The following FBXO34 variants were observed in gnomAD, a reference collection of about 807,000 sequenced individuals.
FBXO34 encodes F-box only protein 34.
A neutral mutation model predicts 24.5 loss-of-function variants in FBXO34; 12 were observed. That is an observed-to-expected ratio of 0.49 (90% CI 0.31 to 0.79). The LOEUF (loss-of-function observed/expected upper bound fraction) is 0.79, where lower values mean the gene tolerates loss of function less well. Ranked by LOEUF, FBXO34 falls within the 30% of genes least tolerant of loss-of-function variation. The pLI is 0.04. For synonymous variants in FBXO34, 320 were observed against 311.9 expected (o/e 1.03, Z -0.27); for missense variants, 823 against 857.7 (o/e 0.96, Z 0.51).
chr14:55,298,958 G>T (rs1387087422), intron 1 of FBXO34: 1 of 1,590,418 alleles, frequency 6.3e-7, no homozygotes, highest in African/African-American at 1.3e-5. Context: ...AGGCCAAGAA[G>T]GCGGCCCACG....
the FBXO34 span, among the ~76,000 whole-genome samples, chr14:55,402,556 C>T: frequency 8.6e-5 from 13 of 151,836 alleles, no homozygotes; most frequent in Admixed American, 4.6e-4. Flanking sequence ...TATATTGCCA[C>T]AAAAGACATT....
downstream of FBXO34, chr14:55,368,154 TTTC>T (rs1884725723): frequency 6.5e-6 from 1 of 152,684 alleles, no homozygotes; most frequent in African/African-American, 2.4e-5. Context: ...TCATTATAGT[TTTC>T]TTGTAAGATT....
At chr14:55,303,135 T>C (rs1882421478) in intron 1 of FBXO34, among the ~76,000 whole-genome samples, 2 of 152,368 alleles carry the variant, frequency 1.3e-5, no homozygotes, top group South Asian at 4.1e-4. Context: ...GGCCTTTTTT[T>C]TTTTTAGCAT....
intron 1 of FBXO34, among the ~76,000 whole-genome samples, chr14:55,345,807 G>C (rs1279566457): frequency 6.6e-6 from 1 of 152,166 alleles, no homozygotes; most frequent in Non-Finnish European, 1.5e-5. Flanking sequence ...TTCAGGACCA[G>C]CCTGGGCAAC....
intron 1 of FBXO34, among the ~76,000 whole-genome samples, chr14:55,319,106 G>A (rs1257343135): frequency 6.6e-6 from 1 of 152,156 alleles, no homozygotes; most frequent in East Asian, 1.9e-4. Context: ...TATTCCTATG[G>A]ATTAAGAAGG....
chr14:55,327,393 C>A (rs901645152), intron 1 of FBXO34, among the ~76,000 whole-genome samples: 2 of 152,128 alleles, frequency 1.3e-5, no homozygotes, highest in Non-Finnish European at 2.9e-5. Flanking sequence ...TAAGATCACT[C>A]TGCCTGCGGA....
the FBXO34 span, among the ~76,000 whole-genome samples, chr14:55,419,577 A>G: frequency 2.0e-5 from 3 of 152,256 alleles, no homozygotes. Context: ...CTTTCTGCTC[A>G]GGACCATGAC....
chr14:55,343,291 C>G (rs1884053133), intron 1 of FBXO34, among the ~76,000 whole-genome samples: 1 of 148,974 alleles, frequency 6.7e-6, no homozygotes, highest in Non-Finnish European at 1.5e-5. Flanking sequence ...TGCTCTGTCG[C>G]CCAGAACTAG....
At chr14:55,369,551 T>C (rs1057148865), downstream of FBXO34, 7 of 1,326,200 alleles carry the variant, frequency 5.3e-6, no homozygotes, top group African/African-American at 1.0e-4. Context: ...AAACAGAAAA[T>C]GTTTACTAGA....
chr14:55,305,617 C>T (rs1373326120), intron 1 of FBXO34, among the ~76,000 whole-genome samples: 1 of 150,946 alleles, frequency 6.6e-6, no homozygotes, highest in East Asian at 1.9e-4. Flanking sequence ...TAGCTTCAAC[C>T]CAGGAGGCAG....
chr14:55,283,630 A>C (rs969148276), intron 1 of FBXO34, among the ~76,000 whole-genome samples: 3 of 151,752 alleles, frequency 2.0e-5, no homozygotes, highest in Non-Finnish European at 4.4e-5. Flanking sequence ...ATGCCCGACT[A>C]ATGTATTTTT....
At chr14:55,436,728 G>C in the FBXO34 span, 6 of 1,614,194 alleles carry the variant, frequency 3.7e-6, no homozygotes, top group East Asian at 2.2e-5. Context: ...AACTGCTGCT[G>C]TTTAAGCCCA....
At chr14:55,281,105 C>G (rs1274855779) in intron 1 of FBXO34, among the ~76,000 whole-genome samples, 3 of 151,694 alleles carry the variant, frequency 2.0e-5, no homozygotes, top group Non-Finnish European at 4.4e-5. Context: ...TAAAGCATAT[C>G]CCTTTGGGCA....
At chr14:55,387,249 C>T in the FBXO34 span, among the ~76,000 whole-genome samples, 1 of 152,190 alleles carries the variant, frequency 6.6e-6, no homozygotes, top group African/African-American at 2.4e-5. Context: ...CCCACAGTTC[C>T]CCTCTGCACA....
chr14:55,366,292 TA>T (rs1327266172), downstream of FBXO34: 1 of 152,632 alleles, frequency 6.6e-6, no homozygotes, highest in East Asian at 1.9e-4. Context: ...ACTTCTTCTA[TA>T]ATTTGTATAA....
intron 1 of FBXO34, among the ~76,000 whole-genome samples, chr14:55,273,228 G>A (rs1881218428): frequency 1.3e-5 from 2 of 151,890 alleles, no homozygotes; most frequent in South Asian, 4.2e-4. Context: ...GCCTTTTAGA[G>A]GTGATTGATA....
chr14:55,395,853 A>T, the FBXO34 span: 5 of 1,032,842 alleles, frequency 4.8e-6, no homozygotes, highest in Non-Finnish European at 6.7e-6. Flanking sequence ...TACGATTTTT[A>T]AAAATTTTAA....
At chr14:55,333,842 T>G (rs1883682183) in intron 1 of FBXO34, among the ~76,000 whole-genome samples, 1 of 152,100 alleles carries the variant, frequency 6.6e-6, no homozygotes. Context: ...TATATTTTAG[T>G]ATTTAAAGGA....
intron 1 of FBXO34, chr14:55,298,531 G>C (rs947928783): frequency 4.9e-6 from 3 of 613,830 alleles, no homozygotes; most frequent in Non-Finnish European, 8.8e-6. Context: ...CCCTACATTT[G>C]ACCTACTTCT....
Sources: allele counts gnomAD v4.1 joint callset (sites outside exome capture counted in the v4.1 genomes callset), GRCh38; gene constraint gnomAD v4.1.1; transcripts MANE v1.5; gene names NCBI Gene and HGNC (gene_info 2026-07-23, HGNC 2026-07-21).